TBC1D19: variants seen among roughly 807,000 people sequenced by gnomAD.
The protein encoded by TBC1D19 is TBC1 domain family, member 19.
Under a neutral mutation model 89.0 loss-of-function variants are expected in TBC1D19, and 60 were observed. The observed-to-expected ratio is 0.67, with a 90% confidence interval of 0.55 to 0.84. The LOEUF (loss-of-function observed/expected upper bound fraction) is 0.84. Ranked by LOEUF, TBC1D19 falls within the 40% of genes least tolerant of loss-of-function variation. The pLI is 0.00. For synonymous variants in TBC1D19, 189 were observed against 199.7 expected, an observed-to-expected ratio of 0.95 and a Z score of 0.45; for missense variants, 500 against 610.8, an observed-to-expected ratio of 0.82 and a Z score of 1.91.
At chr4:26,710,027 GT>G (rs201142872) in intron 13 of TBC1D19, among the ~76,000 whole-genome samples, 8 of 150,422 alleles carry the variant, frequency 5.3e-5, no homozygotes, top group South Asian at 2.1e-4. Context: ...AGGGCAGAGT[GT>G]TTTTTTTTAT....
the TBC1D19 span, among the ~76,000 whole-genome samples, chr4:26,823,244 A>AAAGTG: frequency 6.6e-6 from 1 of 152,156 alleles, no homozygotes; most frequent in Middle Eastern, 3.2e-3. Flanking sequence ...CTATTGCAAG[A>AAAGTG]ACAGCGGGAA....
At chr4:26,679,790 G>A (rs189091247) in intron 11 of TBC1D19, among the ~76,000 whole-genome samples, 139 of 152,328 alleles carry the variant, frequency 9.1e-4, no homozygotes, top group African/African-American at 3.1e-3. Context: ...TTGCATCAGC[G>A]TAGTTAATGC....
At chr4:26,743,372 A>G (rs1282654998) in intron 18 of TBC1D19, among the ~76,000 whole-genome samples, 1 of 152,100 alleles carries the variant, frequency 6.6e-6, no homozygotes, top group African/African-American at 2.4e-5. Flanking sequence ...TAGCAAATAG[A>G]TAGCTCAGTG....
chr4:26,845,052 TCATA>T, the TBC1D19 span, among the ~76,000 whole-genome samples: 2 of 152,250 alleles, frequency 1.3e-5, no homozygotes, highest in Non-Finnish European at 2.9e-5. Flanking sequence ...ATAAATATTC[TCATA>T]CATAGTGTTT....
At chr4:26,703,296 A>G (rs1324061865) in intron 13 of TBC1D19, among the ~76,000 whole-genome samples, 2 of 152,224 alleles carry the variant, frequency 1.3e-5, no homozygotes, top group Non-Finnish European at 2.9e-5. Flanking sequence ...AATTTATTTT[A>G]ACTAATAAAA....
the TBC1D19 span, among the ~76,000 whole-genome samples, chr4:26,847,157 CCA>C: frequency 6.6e-6 from 1 of 152,272 alleles, no homozygotes; most frequent in East Asian, 1.9e-4. Flanking sequence ...GCCTATGCTA[CCA>C]CACACTCTTC....
chr4:26,854,314 G>A, the TBC1D19 span, among the ~76,000 whole-genome samples: 2 of 150,716 alleles, frequency 1.3e-5, no homozygotes, highest in African/African-American at 4.9e-5. Context: ...TTCTGGACTA[G>A]AAATTATCTT....
chr4:26,592,854 G>A (rs1187794552), intron 1 of TBC1D19, among the ~76,000 whole-genome samples: 1 of 152,174 alleles, frequency 6.6e-6, no homozygotes, highest in African/African-American at 2.4e-5. Context: ...CAAACAGATG[G>A]AAGAACATTC....
chr4:26,639,462 G>T (rs921897972), intron 6 of TBC1D19, among the ~76,000 whole-genome samples: 1 of 152,170 alleles, frequency 6.6e-6, no homozygotes, highest in South Asian at 2.1e-4. Flanking sequence ...GGTAAATATT[G>T]TGCAAGCTTA....
chr4:26,652,741 A>G (rs1744487955), intron 7 of TBC1D19, among the ~76,000 whole-genome samples: 1 of 151,956 alleles, frequency 6.6e-6, no homozygotes, highest in Non-Finnish European at 1.5e-5. Flanking sequence ...TATTGTGTCT[A>G]TTTGATTCTT....
chr4:26,598,871 T>C (rs1273806378), intron 1 of TBC1D19, among the ~76,000 whole-genome samples: 2 of 151,242 alleles, frequency 1.3e-5, no homozygotes, highest in African/African-American at 4.9e-5. Context: ...AATAGAAAGT[T>C]GGGCAAGGAT....
At chr4:26,703,007 A>G (rs1442229087) in intron 13 of TBC1D19, among the ~76,000 whole-genome samples, 2 of 152,222 alleles carry the variant, frequency 1.3e-5, no homozygotes, top group African/African-American at 4.8e-5. Flanking sequence ...CTCCAGGATC[A>G]TGTGGCCTCA....
At chr4:26,760,272 T>C (rs929910349), downstream of TBC1D19, among the ~76,000 whole-genome samples, 3 of 152,180 alleles carry the variant, frequency 2.0e-5, no homozygotes, top group Non-Finnish European at 2.9e-5. Flanking sequence ...ATGATCTTAC[T>C]AAGTTATAGG....
intron 15 of TBC1D19, among the ~76,000 whole-genome samples, chr4:26,734,964 ATATATGTATACACATATG>A (rs1307176932): frequency 1.3e-5 from 2 of 150,518 alleles, no homozygotes; most frequent in Non-Finnish European, 3.0e-5. Flanking sequence ...ATGTATATGT[ATATATGTATACACATATG>A]TATATGTATA....
chr4:26,814,506 A>C, the TBC1D19 span, among the ~76,000 whole-genome samples: 1 of 152,218 alleles, frequency 6.6e-6, no homozygotes, highest in Non-Finnish European at 1.5e-5. Flanking sequence ...CTAGAAAAGG[A>C]AGGTCCTCTC....
chr4:26,720,147 C>T (rs540598603), intron 15 of TBC1D19, 22 bp downstream of exon 15: 4 of 1,560,056 alleles, frequency 2.6e-6, no homozygotes, highest in Admixed American at 1.9e-5. Context: ...GCTATTGCTT[C>T]CTCTAGTGGG....
intron 15 of TBC1D19, among the ~76,000 whole-genome samples, chr4:26,723,880 A>G (rs567992708): frequency 1.6e-4 from 25 of 152,308 alleles, no homozygotes; most frequent in African/African-American, 5.8e-4. Context: ...TCATCAGTCA[A>G]TCAACAAAGG....
intron 13 of TBC1D19, among the ~76,000 whole-genome samples, chr4:26,693,802 G>A (rs554479835): frequency 1.6e-4 from 25 of 152,218 alleles, no homozygotes; most frequent in East Asian, 3.9e-4. Flanking sequence ...AAATTCTGGC[G>A]TTGAAAAGTA....
upstream of TBC1D19, among the ~76,000 whole-genome samples, chr4:26,582,433 C>G (rs1220628524): frequency 6.6e-6 from 1 of 152,178 alleles, no homozygotes; most frequent in South Asian, 2.1e-4. Context: ...TTCCCTTCAA[C>G]GCTCTACTAA....
Sources: allele counts gnomAD v4.1 joint callset (sites outside exome capture counted in the v4.1 genomes callset), GRCh38; gene constraint gnomAD v4.1.1; transcripts MANE v1.5; gene names NCBI Gene and HGNC (gene_info 2026-07-23, HGNC 2026-07-21).